Variants in TPTE2 observed in about 807,000 individuals in gnomAD.
The protein encoded by TPTE2 is transmembrane phosphoinositide 3-phosphatase and tensin homolog 2, also known as phosphatidylinositol 3,4,5-trisphosphate 3-phosphatase TPTE2.
In TPTE2, 53 loss-of-function variants were observed where a neutral mutation model predicts 78.6. The ratio of observed to expected loss-of-function variants is 0.67; its 90% CI spans 0.54 to 0.85. The LOEUF is 0.85. Ranked by LOEUF, TPTE2 falls within the 40% of genes least tolerant of loss-of-function variation. The pLI is 0.00. For missense variants in TPTE2, 461 were observed against 623.0 expected (o/e 0.74, Z 2.77); for synonymous variants, 175 against 206.2 (o/e 0.85, Z 1.30).
At chr13:19,488,971 C>T (rs1306359834) in intron 3 of TPTE2, among the ~76,000 whole-genome samples, 1 of 152,058 alleles carries the variant, frequency 6.6e-6, no homozygotes, top group East Asian at 1.9e-4. Context: ...TTCACTAGGA[C>T]ACTCAGAGAC....
chr13:19,473,788 G>A lies in TPTE2; in HGVS notation c.392+126C>T, dbSNP rs1879771662. On this transcript the variant is annotated intron_variant, in intron 6 of 19. Transcript: ENST00000400230. ...TTTTTGTATTTTTAATAGAGACGGGGTTTCACCATGTTGGCCAGGATTGTG... is the reference window on the plus strand; with the variant it reads ...TTTTTGTATTTTTAATAGAGACGGGATTTCACCATGTTGGCCAGGATTGTG... The A allele has an allele frequency of 3.7e-6, 3 of 804,892 alleles. No individual in the cohort carries two copies. The African/African-American group carries it at 5.7e-5, about 15-fold the overall frequency. The allele number at this position is 804,892 out of a possible 1,614,324, so 49.9% of individuals were successfully genotyped here.
At chr13:19,434,617 G>C (rs1029591018) in intron 15 of TPTE2, among the ~76,000 whole-genome samples, 1 of 152,068 alleles carries the variant, frequency 6.6e-6, no homozygotes, top group African/African-American at 2.4e-5. Context: ...TTTGGGGCTT[G>C]GGTGTGGGAG....
At position 19,509,066 on chromosome 13, in the gene TPTE2, C is replaced by G. The variant is rs144133052; in HGVS notation, c.-43-5789G>C. ...ACCTCTTATGTTAAAAGGGAAATCA[C>G]GAAATATTTTAAATACTAAGAACTG... On this transcript the variant is annotated intron_variant, in intron 1 of 17. Coordinates refer to the TPTE2 transcript ENST00000390680. 3.9e-3 allele frequency among the ~76,000 whole-genome samples: 593 copies of G among 152,024 alleles called. 2 individuals carry two copies. The highest frequency in any genetic ancestry group is 7.1e-3 in the Admixed American group (109 of 15,276).
In TPTE2 at chr13:19,497,228, C is replaced by T. The variant is rs1390328208; in HGVS notation, c.12-3727G>A. 6.8e-5 allele frequency among the ~76,000 whole-genome samples: 10 copies of T among 147,572 alleles called. No homozygotes were observed. In the South Asian group the frequency reaches 1.2e-3, roughly 17 times the overall value. ...GGCGGCAGCGAGGCTGGGGGAGGGG[C>T]GCCCGACATTGCCCAGGCTTGATTA... is the stretch of plus-strand genomic sequence containing the variant. On this transcript the variant is annotated intron_variant, in intron 1 of 19. Coordinates refer to ENST00000400230, the Ensembl canonical transcript of TPTE2.
chr13:19,445,212 AG>A (rs1384929799), intron 13 of TPTE2, among the ~76,000 whole-genome samples: 2 of 152,242 alleles, frequency 1.3e-5, no homozygotes, highest in Non-Finnish European at 2.9e-5. Flanking sequence ...GACCAATAAC[AG>A]AATTGAAATC....
At chr13:19,515,570 G>C (rs1238497176) in intron 1 of TPTE2, among the ~76,000 whole-genome samples, 1 of 152,170 alleles carries the variant, frequency 6.6e-6, no homozygotes, top group Non-Finnish European at 1.5e-5. Context: ...CAAGTTCTAA[G>C]TGGGTGTTCT....
chr13:19,557,171 T>C, the TPTE2 span, among the ~76,000 whole-genome samples: 1 of 152,362 alleles, frequency 6.6e-6, no homozygotes, highest in Non-Finnish European at 1.5e-5. Context: ...TAGTTATTAA[T>C]GTTCTAACCC....
chr13:19,558,941 A>G, the TPTE2 span, among the ~76,000 whole-genome samples: 5 of 152,326 alleles, frequency 3.3e-5, no homozygotes, highest in South Asian at 8.3e-4. Context: ...CTGTACTTCT[A>G]TTTATCTGTG....
intron 6 of TPTE2, among the ~76,000 whole-genome samples, chr13:19,469,181 T>C (rs112266089): frequency 0.025 from 3,733 of 152,288 alleles, 64 homozygotes; most frequent in Middle Eastern, 0.051. Context: ...CTTTAATCCA[T>C]GTTGATTTGA....
intron 1 of TPTE2, among the ~76,000 whole-genome samples, chr13:19,526,984 G>A (rs2497198): frequency 0.21 from 32,273 of 152,020 alleles, 4,570 homozygotes; most frequent in African/African-American, 0.4. Flanking sequence ...CCCAGAAGAC[G>A]TGTGAGGACT....
In TPTE2 at chr13:19,423,021, G is replaced by A. The variant is rs1163441514; in HGVS notation, c.*41C>T. On this transcript the variant is annotated 3_prime_UTR_variant, in exon 20 of 20. Transcript: ENST00000400230. ...AATTCTTTCCCAGAAGGGGAAGGGGGAGCTATACTTAGTCGGATCCAGCTA... is the reference window on the plus strand; with the variant it reads ...AATTCTTTCCCAGAAGGGGAAGGGGAAGCTATACTTAGTCGGATCCAGCTA... 6.2e-6 allele frequency: 10 copies of A among 1,605,122 alleles called. No individual in the cohort carries two copies. The African/African-American group carries it at 6.7e-5, about 11-fold the overall frequency.
chr13:19,431,730 C>T (rs1260876807), intron 16 of TPTE2, among the ~76,000 whole-genome samples: 1 of 140,460 alleles, frequency 7.1e-6, no homozygotes, highest in South Asian at 2.5e-4. Flanking sequence ...TAGAACTAAA[C>T]TCAGAAGGCT....
At chr13:19,506,210 C>A (rs868220655), upstream of TPTE2, among the ~76,000 whole-genome samples, 3 of 92,590 alleles carry the variant, frequency 3.2e-5, no homozygotes, top group Non-Finnish European at 5.8e-5. Context: ...CTCGCTCTGT[C>A]GCCCAGGCTG....
intron 1 of TPTE2, among the ~76,000 whole-genome samples, chr13:19,495,116 G>A (rs1881227605): frequency 6.6e-6 from 1 of 152,122 alleles, no homozygotes; most frequent in South Asian, 2.1e-4. Context: ...TCCCATCTGA[G>A]TTCCTCATTC....
At chr13:19,544,944 A>T in the TPTE2 span, among the ~76,000 whole-genome samples, 5 of 123,316 alleles carry the variant, frequency 4.1e-5, no homozygotes, top group South Asian at 9.8e-4. Flanking sequence ...TCACACACAC[A>T]CACACACACA....
chr13:19,441,930 G>C (rs146428808), intron 13 of TPTE2, among the ~76,000 whole-genome samples: 3,121 of 152,222 alleles, frequency 0.021, 107 homozygotes, highest in African/African-American at 0.071. Flanking sequence ...CAAGGATGCA[G>C]GTTGAAATCT....
At chr13:19,484,156 G>A (rs1880522430) in intron 3 of TPTE2, among the ~76,000 whole-genome samples, 1 of 152,066 alleles carries the variant, frequency 6.6e-6, no homozygotes, top group African/African-American at 2.4e-5. Context: ...TTGGTATATT[G>A]TGTTTCTAGT....
At chr13:19,504,092 T>C (rs1868827199), upstream of TPTE2, among the ~76,000 whole-genome samples, 1 of 152,072 alleles carries the variant, frequency 6.6e-6, no homozygotes, top group African/African-American at 2.4e-5. Flanking sequence ...CACTCCAGGG[T>C]ACTGATTTGA....
upstream of TPTE2, among the ~76,000 whole-genome samples, chr13:19,540,170 T>C (rs1007808224): frequency 2.6e-5 from 4 of 151,882 alleles, no homozygotes; most frequent in Admixed American, 2.0e-4. Context: ...ATAAATCCTA[T>C]TGGAATTTTG....
Sources: gnomAD v4.1 joint callset for allele counts (sites outside exome capture counted in the v4.1 genomes callset) on GRCh38, gnomAD v4.1.1 for gene constraint, MANE v1.5 for transcripts, NCBI Gene and HGNC (gene_info 2026-07-23, HGNC 2026-07-21) for gene names.